Variants in DLC1 observed in about 807,000 individuals in gnomAD.
DLC1 encodes the protein rho GTPase-activating protein 7.
DLC1 carries 54 observed loss-of-function variants against 140.3 expected under a neutral mutation model. The observed-to-expected ratio is 0.38, with a 90% CI of 0.31 to 0.48. The LOEUF (loss-of-function observed/expected upper bound fraction) is 0.48. Ranked by LOEUF, DLC1 falls within the 20% of genes least tolerant of loss-of-function variation. The probability of loss-of-function intolerance (pLI) is 0.96; values close to 1 mark genes in which losing one functional copy is unlikely to be tolerated. For synonymous variants in DLC1, 986 were observed against 728.1 expected, an observed-to-expected ratio of 1.35 and a Z score of -5.70; for missense variants, 2,536 against 1,907.0, an observed-to-expected ratio of 1.33 and a Z score of -6.14.
chr8:13,335,626 A>G (rs1833784164), intron 4 of DLC1, among the ~76,000 whole-genome samples: 1 of 152,170 alleles, frequency 6.6e-6, no homozygotes, highest in African/African-American at 2.4e-5. Flanking sequence ...GGGCAAGCTG[A>G]TGGAAACCCC....
intron 2 of DLC1, among the ~76,000 whole-genome samples, chr8:13,405,464 A>G (rs1385638683): frequency 6.6e-6 from 1 of 152,184 alleles, no homozygotes; most frequent in Non-Finnish European, 1.5e-5. Context: ...AATAATTCGG[A>G]AATATAAAAG....
intron 2 of DLC1, among the ~76,000 whole-genome samples, chr8:13,473,058 G>T: frequency 6.6e-6 from 1 of 152,216 alleles, no homozygotes; most frequent in East Asian, 1.9e-4. Context: ...GGGCTAAACT[G>T]TTTGTGGTGC....
At chr8:13,567,627 T>C in intron 1 of DLC1, 9 of 1,551,726 alleles carry the variant, frequency 5.8e-6, no homozygotes, top group Non-Finnish European at 7.8e-6. Context: ...TGGCCCTGTC[T>C]GCCTTTCTGA....
chr8:13,132,900 C>T (rs997184271), intron 5 of DLC1: 2 of 1,562,332 alleles, frequency 1.3e-6, no homozygotes, highest in Admixed American at 1.9e-5. Flanking sequence ...CTCCGCAGCC[C>T]GCTCCCGCGG....
intron 14 of DLC1, 137 bp from the exon 15 acceptor site, chr8:13,090,607 T>C (rs936332575): frequency 7.6e-6 from 7 of 925,002 alleles, no homozygotes; most frequent in African/African-American, 5.0e-5. Context: ...GGAGGTGGGC[T>C]ATCATGCTGA....
chr8:13,237,091 T>C (rs980523883), intron 5 of DLC1, among the ~76,000 whole-genome samples: 26 of 151,730 alleles, frequency 1.7e-4, no homozygotes, highest in African/African-American at 6.0e-4. Flanking sequence ...CAGAAGTGCT[T>C]ATATCTCTTC....
intron 5 of DLC1, among the ~76,000 whole-genome samples, chr8:13,296,522 A>G (rs374010543): frequency 3.1e-4 from 47 of 152,162 alleles, no homozygotes; most frequent in African/African-American, 1.1e-3. Context: ...AAGTCATTTT[A>G]GAAGGAGAAA....
In DLC1 at chr8:13,163,022, C is replaced by T. The variant is rs565549920; in HGVS notation, c.1349-47365G>A. Among the ~76,000 whole-genome samples, 20 of 152,262 alleles carry T rather than the reference C, an allele frequency of 1.3e-4. No homozygotes were observed. The South Asian group carries it at 1.7e-3, about 13-fold the overall frequency. On this transcript the variant is annotated intron_variant, in intron 5 of 17. Transcript: ENST00000276297. The stretch of plus-strand genomic sequence containing the variant: ...TTGCCATTGTCTGTACTTGTTGACA[C>T]CATGTAGCCTCTCTAAGTAGGGCTT...
intron 5 of DLC1, among the ~76,000 whole-genome samples, chr8:13,268,251 T>C (rs137907066): frequency 6.6e-6 from 1 of 152,332 alleles, no homozygotes; most frequent in African/African-American, 2.4e-5. Flanking sequence ...CACTTTGGAA[T>C]GACAAGTCTT....
At chr8:13,554,027 G>A (rs891747891) in intron 1 of DLC1, among the ~76,000 whole-genome samples, 3 of 151,864 alleles carry the variant, frequency 2.0e-5, no homozygotes, top group Non-Finnish European at 2.9e-5. Context: ...CACTTCTCTT[G>A]TCATTTCCTC....
intron 7 of DLC1, among the ~76,000 whole-genome samples, chr8:13,103,912 G>A (rs1293106286): frequency 6.7e-6 from 1 of 149,940 alleles, no homozygotes; most frequent in Non-Finnish European, 1.5e-5. Context: ...AATAGAAACA[G>A]CAAAACAGCA....
chr8:13,382,195 T>G (rs1436140101), intron 4 of DLC1, among the ~76,000 whole-genome samples: 1 of 152,122 alleles, frequency 6.6e-6, no homozygotes, highest in Non-Finnish European at 1.5e-5. Context: ...AATTTCTGAC[T>G]TCTTATTACG....
At chr8:13,369,843 T>A (rs1378257) in intron 4 of DLC1, among the ~76,000 whole-genome samples, 97,145 of 149,462 alleles carry the variant, frequency 0.65, 32,227 homozygotes, top group East Asian at 0.84. Flanking sequence ...GGCTCTCCGA[T>A]CGTCTCCTCA....
chr8:13,170,518 C>T (rs1563133412), intron 5 of DLC1, among the ~76,000 whole-genome samples: 1 of 152,090 alleles, frequency 6.6e-6, no homozygotes, highest in Non-Finnish European at 1.5e-5. Flanking sequence ...ATCATGAGGT[C>T]AGGAAATCGA....
chr8:13,387,289 T>A (rs915601173), intron 4 of DLC1, among the ~76,000 whole-genome samples: 12 of 152,038 alleles, frequency 7.9e-5, no homozygotes, highest in African/African-American at 2.9e-4. Context: ...AAGACAGTAC[T>A]TTATCCTTCT....
rs77072302 is a variant in DLC1 at position 13,275,201 on chromosome 8, G to A, written c.1348+30068C>T. Among the ~76,000 whole-genome samples the A allele has an allele frequency of 1.2e-3, 180 of 152,254 alleles. 3 individuals are homozygous for A. In the East Asian group the frequency reaches 0.029, roughly 25 times the overall value. On this transcript the variant is annotated intron_variant, in intron 5 of 17. Coordinates refer to ENST00000276297, the MANE Select transcript of DLC1 (RefSeq NM_182643.3). ...TTCAGAACAAATTAGAGTTTATGAGGGCATGAAACTACCATGTTATCTTCA... is the reference window on the plus strand; with the variant it reads ...TTCAGAACAAATTAGAGTTTATGAGAGCATGAAACTACCATGTTATCTTCA...
chr8:13,166,577 C>T (rs1024373724), intron 5 of DLC1, among the ~76,000 whole-genome samples: 1 of 152,150 alleles, frequency 6.6e-6, no homozygotes, highest in African/African-American at 2.4e-5. Flanking sequence ...AAGTGATCCA[C>T]CCGCTGTGGC....
chr8:13,505,116 T>C (rs1801996815), intron 1 of DLC1, among the ~76,000 whole-genome samples: 1 of 152,056 alleles, frequency 6.6e-6, no homozygotes, highest in Non-Finnish European at 1.5e-5. Context: ...ACAGGAAAAA[T>C]AGTTTTACAA....
chr8:13,123,592 C>G (rs1417733226), intron 5 of DLC1, among the ~76,000 whole-genome samples: 2 of 151,762 alleles, frequency 1.3e-5, no homozygotes, highest in Non-Finnish European at 2.9e-5. Flanking sequence ...AAGTGATCTG[C>G]CTGCCTCGGC....
Sources: allele counts gnomAD v4.1 joint callset (sites outside exome capture counted in the v4.1 genomes callset), GRCh38; gene constraint gnomAD v4.1.1; transcripts MANE v1.5; gene names NCBI Gene and HGNC (gene_info 2026-07-23, HGNC 2026-07-21).